Variants in PTGER3 observed in about 807,000 individuals in gnomAD.
PTGER3 encodes the protein prostaglandin E2 receptor EP3 subtype.
A neutral mutation model predicts 34.7 loss-of-function variants in PTGER3; 22 were observed. The observed-to-expected ratio is 0.63, with a 90% CI of 0.45 to 0.91. The LOEUF is 0.91. Ranked by LOEUF, PTGER3 falls within the 40% of genes least tolerant of loss-of-function variation. The pLI is 0.00. For missense variants in PTGER3, 468 were observed against 519.4 expected, an observed-to-expected ratio of 0.90 and a Z score of 0.96; for synonymous variants, 241 against 230.1, an observed-to-expected ratio of 1.05 and a Z score of -0.43.
chr1:71,032,726 C>A (rs1572984493), intron 1 of PTGER3, among the ~76,000 whole-genome samples: 1 of 152,180 alleles, frequency 6.6e-6, no homozygotes, highest in African/African-American at 2.4e-5. Flanking sequence ...GCAACTCCCC[C>A]TACCTTTTTA....
chr1:71,003,055 G>T (rs1007156213), intron 2 of PTGER3, among the ~76,000 whole-genome samples: 2 of 152,174 alleles, frequency 1.3e-5, no homozygotes, highest in African/African-American at 4.8e-5. Context: ...AATAAGGAAA[G>T]ACAAATGCAA....
At chr1:70,898,539 C>T (rs1256651402) in intron 4 of PTGER3, among the ~76,000 whole-genome samples, 2 of 152,164 alleles carry the variant, frequency 1.3e-5, no homozygotes, top group Non-Finnish European at 2.9e-5. Flanking sequence ...TACCCCTCTG[C>T]ACTGTAACTG....
At chr1:70,990,373 A>G (rs1365381547) in intron 2 of PTGER3, among the ~76,000 whole-genome samples, 2 of 106,268 alleles carry the variant, frequency 1.9e-5, no homozygotes, top group Non-Finnish European at 4.2e-5. Context: ...ACACACACAC[A>G]CACACACACA....
At chr1:70,920,333 T>C (rs1647404940) in intron 4 of PTGER3, among the ~76,000 whole-genome samples, 1 of 152,164 alleles carries the variant, frequency 6.6e-6, no homozygotes, top group South Asian at 2.1e-4. Flanking sequence ...ACCCTTTCAA[T>C]AGGCTGGAGA....
In PTGER3 at chr1:71,043,648, G is replaced by A. The variant is rs1014808031; in HGVS notation, c.897+3033C>T. On this transcript the variant is annotated intron_variant, in intron 1 of 3. Coordinates refer to ENST00000306666, the MANE Select transcript of PTGER3 (RefSeq NM_198719.2). ...TACACTCATAGTTAGAAAAAACAGC[G>A]TTAATCTCTCATTTTAACACTAATA... Among the ~76,000 whole-genome samples the A allele has an allele frequency of 5.3e-5, 8 of 152,242 alleles. No individual in the cohort carries two copies. In the South Asian group the frequency reaches 1.2e-3, roughly 24 times the overall value.
At chr1:70,892,952 A>G (rs1426132073) in intron 4 of PTGER3, among the ~76,000 whole-genome samples, 1 of 152,016 alleles carries the variant, frequency 6.6e-6, no homozygotes, top group Non-Finnish European at 1.5e-5. Flanking sequence ...TGTAATACAT[A>G]TTAAATAATA....
intron 2 of PTGER3, among the ~76,000 whole-genome samples, chr1:70,976,658 T>C (rs960302010): frequency 3.3e-5 from 5 of 152,176 alleles, no homozygotes; most frequent in Non-Finnish European, 7.3e-5. Context: ...TAAATATCTT[T>C]GAAAGTTTCC....
chr1:70,893,680 A>G (rs1208986749), intron 4 of PTGER3, among the ~76,000 whole-genome samples: 2 of 152,196 alleles, frequency 1.3e-5, no homozygotes, highest in Non-Finnish European at 2.9e-5. Flanking sequence ...CTTTTCTGCG[A>G]ATTTATAGGA....
At chr1:70,963,444 A>G (rs988527079) in intron 2 of PTGER3, among the ~76,000 whole-genome samples, 2 of 152,174 alleles carry the variant, frequency 1.3e-5, no homozygotes, top group African/African-American at 2.4e-5. Flanking sequence ...CCTGTAGCCA[A>G]TCTCTGGATA....
downstream of PTGER3, among the ~76,000 whole-genome samples, chr1:70,969,323 C>T (rs188247200): frequency 6.6e-6 from 1 of 152,266 alleles, no homozygotes. Flanking sequence ...ACATGAACAA[C>T]AACATAAAAA....
intron 2 of PTGER3, chr1:71,011,649 C>G: frequency 1.0e-6 from 1 of 981,136 alleles, no homozygotes; most frequent in Non-Finnish European, 1.2e-6. Context: ...TAAACTTAAA[C>G]TTTGTTAGGT....
At chr1:70,869,026 G>A (rs1646104917) in intron 4 of PTGER3, among the ~76,000 whole-genome samples, 1 of 152,182 alleles carries the variant, frequency 6.6e-6, no homozygotes, top group Non-Finnish European at 1.5e-5. Flanking sequence ...CGAACCATGA[G>A]CCAATTAAAC....
intron 4 of PTGER3, among the ~76,000 whole-genome samples, chr1:70,925,307 G>T (rs1027167805): frequency 6.6e-6 from 1 of 152,102 alleles, no homozygotes; most frequent in East Asian, 1.9e-4. Flanking sequence ...GCTCAGCTAC[G>T]CACTCACTCT....
intron 2 of PTGER3, chr1:71,010,838 T>C: frequency 1.0e-6 from 1 of 985,032 alleles, no homozygotes; most frequent in Non-Finnish European, 1.2e-6. Context: ...CTGGTGTATA[T>C]ATCAATCTGA....
At chr1:70,905,763 T>C (rs1452379935) in intron 4 of PTGER3, among the ~76,000 whole-genome samples, 1 of 152,166 alleles carries the variant, frequency 6.6e-6, no homozygotes. Context: ...CATTGGACTG[T>C]GGACTTTTCA....
At chr1:70,909,272 G>A (rs898572996) in intron 4 of PTGER3, among the ~76,000 whole-genome samples, 14 of 152,134 alleles carry the variant, frequency 9.2e-5, no homozygotes, top group African/African-American at 3.1e-4. Flanking sequence ...CTATGTGTAC[G>A]TGTTTATTTC....
chr1:70,880,856 G>A (rs1321439671), intron 4 of PTGER3, among the ~76,000 whole-genome samples: 4 of 151,842 alleles, frequency 2.6e-5, no homozygotes, highest in Non-Finnish European at 2.9e-5. Flanking sequence ...GCATTTCAAC[G>A]TTGGAGAATC....
intron 1 of PTGER3, among the ~76,000 whole-genome samples, chr1:71,028,215 A>G (rs1445365689): frequency 2.4e-4 from 37 of 152,028 alleles, no homozygotes; most frequent in Non-Finnish European, 1.5e-5. Context: ...ATACTAGCTA[A>G]TGAGATCCAA....
chr1:70,996,310 AC>A (rs1655936929), intron 2 of PTGER3, among the ~76,000 whole-genome samples: 2 of 152,192 alleles, frequency 1.3e-5, no homozygotes, highest in South Asian at 4.2e-4. Flanking sequence ...AAAAAAAAAT[AC>A]CCATTCTATC....
Sources: allele counts gnomAD v4.1 joint callset (sites outside exome capture counted in the v4.1 genomes callset), GRCh38; gene constraint gnomAD v4.1.1; transcripts MANE v1.5; gene names NCBI Gene and HGNC (gene_info 2026-07-23, HGNC 2026-07-21).